Variants in SPR observed in about 807,000 individuals in gnomAD.
SPR encodes the protein Sepiapterin reductase (L-erythro-7,8-dihydrobiopterin forming).
A neutral mutation model predicts 16.0 loss-of-function variants in SPR; 12 were observed. That is an observed-to-expected ratio of 0.75 (90% CI 0.48 to 1.22). The LOEUF (loss-of-function observed/expected upper bound fraction) is 1.22. SPR is among the 50% of genes most tolerant of loss of function. The pLI, the probability that SPR is intolerant of heterozygous loss-of-function variation, is 0.00. For missense variants in SPR, 324 were observed against 344.4 expected, an observed-to-expected ratio of 0.94 and a Z score of 0.47; for synonymous variants, 177 against 168.5, an observed-to-expected ratio of 1.05 and a Z score of -0.39.
chr2:72,889,912 T>C (rs1301936235), intron 2 of SPR, among the ~76,000 whole-genome samples: 2 of 152,150 alleles, frequency 1.3e-5, no homozygotes, highest in African/African-American at 4.8e-5. Flanking sequence ...GCACAGGTCA[T>C]TGGAAAATAG....
intron 2 of SPR, among the ~76,000 whole-genome samples, chr2:72,891,094 C>G (rs568258895): frequency 6.6e-6 from 1 of 152,220 alleles, no homozygotes; most frequent in African/African-American, 2.4e-5. Context: ...GCTGGTTGGA[C>G]AGGAGATGAG....
At chr2:72,888,634 TCCAGAAC>T in intron 2 of SPR, 30 bp downstream of exon 2, 1 of 1,570,356 alleles carries the variant, frequency 6.4e-7, no homozygotes, top group Non-Finnish European at 8.6e-7. Context: ...GTCCCTGTCC[TCCAGAAC>T]CCACTGGTGC....
At chr2:72,891,237 T>C (rs1165760754) in intron 2 of SPR, 110 bp from the exon 3 acceptor site, 1 of 1,151,298 alleles carries the variant, frequency 8.7e-7, no homozygotes, top group Non-Finnish European at 1.3e-6. Flanking sequence ...GATGACGTGT[T>C]TCCTCTGGCC....
intron 2 of SPR, among the ~76,000 whole-genome samples, chr2:72,890,498 C>T (rs1670601439): frequency 6.6e-6 from 1 of 152,214 alleles, no homozygotes; most frequent in Non-Finnish European, 1.5e-5. Flanking sequence ...CCCGCCACCA[C>T]ACCCGGCTAA....
At chr2:72,887,856 G>A in intron 1 of SPR, 120 bp downstream of exon 1, 1 of 1,132,864 alleles carries the variant, frequency 8.8e-7, no homozygotes, top group Non-Finnish European at 1.2e-6. Flanking sequence ...AGCCCTAGTT[G>A]TTCCAGCTTG....
In SPR at chr2:72,888,461, C is replaced by T; in HGVS notation, c.452C>T (p.Thr151Ile). ...AFPDSPGLNR[T>I]VVNISSLCAL... The stretch of plus-strand genomic sequence containing the variant: ...CCGGACAGTCCTGGCCTCAACAGAA[C>T]CGTGGTTAACATCTCGTCCCTCTGT... The change falls in exon 2 of 3, where the codon ACC becomes ATC. Residue 151 changes from threonine to isoleucine, a missense_variant. By Grantham distance (89) the Thr-to-Ile change is moderately conservative. Coordinates refer to ENST00000234454, the MANE Select transcript of SPR (RefSeq NM_003124.5). The T allele has an allele frequency of 6.2e-7, 1 of 1,614,020 alleles. No individual in the cohort carries two copies. Among genetic ancestry groups the T allele is most frequent in the Non-Finnish European group, 8.5e-7 (1 of 1,179,968 alleles).
chr2:72,891,415 C>G lies in SPR; in HGVS notation c.664C>G (p.Leu222Val). ...TSVDPDMRKG[L>V]QELKAKGKLV... is the part of the protein sequence containing the mutation. ...CGTGGACCCAGACATGCGAAAAGGGCTGCAGGAGCTGAAGGCAAAGGGGAA... is the reference window on the plus strand; with the variant it reads ...CGTGGACCCAGACATGCGAAAAGGGGTGCAGGAGCTGAAGGCAAAGGGGAA... Residue 222 changes from leucine to valine, a missense_variant, in exon 3 of 3, where the codon CTG (leucine) becomes GTG (valine). Physicochemically the swap from Leu to Val is conservative, Grantham distance 32. Transcript: ENST00000234454. 2 of 1,614,196 alleles carry G rather than the reference C, an allele frequency of 1.2e-6. No individual in the cohort carries two copies. Among genetic ancestry groups the G allele is most frequent in the African/African-American group, 2.7e-5 (2 of 75,038 alleles).
rs540661789 is a variant in SPR, at chr2:72,888,480, C to G, written c.471C>G (p.Ser157=). Residue 157 remains serine, a synonymous_variant, in exon 2 of 3, where the codon TCC becomes TCG. Transcript: ENST00000234454. ...GLNRTVVNIS[S]LCALQPFKGW... ...ACAGAACCGTGGTTAACATCTCGTC[C>G]CTCTGTGCCCTGCAACCTTTCAAAG... The G allele has an allele frequency of 1.2e-6, 2 of 1,613,794 alleles. No individual in the cohort carries two copies. The highest frequency in any genetic ancestry group is 1.7e-6 in the Non-Finnish European group (2 of 1,179,916).
At position 72,887,780 on chromosome 2, in the gene SPR, C is replaced by A. The variant is rs759699526; in HGVS notation, c.304+44C>A. On this transcript the variant is annotated intron_variant, in intron 1 of 2. Transcript: ENST00000234454. Reference sequence around the variant, plus strand: ...AGCGGACTCCCCATGTGAGCGCCCACTTCCTCCACCGCTGGGGAATTTAAG... The same window carrying A: ...AGCGGACTCCCCATGTGAGCGCCCAATTCCTCCACCGCTGGGGAATTTAAG... The A allele has an allele frequency of 2.1e-6, 3 of 1,455,752 alleles. No homozygotes were observed. In the African/African-American group the frequency reaches 4.4e-5, roughly 21 times the overall value. The allele number at this position is 1,455,752 out of a possible 1,614,324, so 90.2% of individuals were successfully genotyped here.
At chr2:72,888,044 A>G (rs570812325) in intron 1 of SPR, among the ~76,000 whole-genome samples, 6 of 152,028 alleles carry the variant, frequency 3.9e-5, no homozygotes, top group East Asian at 3.9e-4. Flanking sequence ...TCTCCAAACA[A>G]GTAAACTCTC....
At chr2:72,889,193 C>T (rs1670586266) in intron 2 of SPR, among the ~76,000 whole-genome samples, 1 of 152,208 alleles carries the variant, frequency 6.6e-6, no homozygotes, top group Non-Finnish European at 1.5e-5. Flanking sequence ...CCATCCCTGG[C>T]TGAACTGTGC....
Position 72,887,409 on chromosome 2 carries a change from G to T in SPR, c.-24G>T. On this transcript the variant is annotated 5_prime_UTR_variant, in exon 1 of 3. Coordinates refer to ENST00000234454, the MANE Select transcript of SPR (RefSeq NM_003124.5). ...GCCTCCTGCCTGGTCTCGGGTGCCA[G>T]CGCCGCCGGCGGAGAACAGGAGCAT... The T allele has an allele frequency of 6.9e-7, 1 of 1,459,530 alleles. No individual in the cohort carries two copies. 90.4% of individuals were successfully genotyped at this position (1,459,530 alleles called of 1,614,324 possible). A position where few individuals can be genotyped will look rare whatever the true frequency, so the allele number is the denominator to read the frequency against.
At position 72,891,406 on chromosome 2, in the gene SPR, C is replaced by T. The variant is rs779204655; in HGVS notation, c.655C>T (p.Arg219Ter). Reference sequence around the variant, plus strand: ...GGAGACCTCCGTGGACCCAGACATGCGAAAAGGGCTGCAGGAGCTGAAGGC... The same window carrying T: ...GGAGACCTCCGTGGACCCAGACATGTGAAAAGGGCTGCAGGAGCTGAAGGC... ...ARETSVDPDM[R>*]KGLQELKAKG... is the part of the protein sequence containing the mutation. The change falls in exon 3 of 3, where the codon CGA becomes TGA. Residue 219 changes from arginine (R) to a stop codon, truncating the protein, a stop_gained. Coordinates refer to ENST00000234454, the MANE Select transcript of SPR (RefSeq NM_003124.5). LOFTEE classifies it high-confidence loss of function. 18 of 1,614,114 alleles carry T rather than the reference C, an allele frequency of 1.1e-5. No homozygotes were observed. The Middle Eastern group carries it at 4.9e-4, about 44-fold the overall frequency.
intron 1 of SPR, 115 bp from the exon 2 acceptor site, chr2:72,888,199 G>A (rs901878805): frequency 1.8e-5 from 20 of 1,085,506 alleles, no homozygotes; most frequent in Non-Finnish European, 2.8e-5. Flanking sequence ...AGAAGCGCTA[G>A]GCAGCTTCCT....
Position 72,891,549 on chromosome 2 carries a change from T to C in SPR, c.*12T>C, listed in dbSNP as rs1203563517. Reference sequence around the variant, plus strand: ...TCTATGACAAATAAGCCCATGTTTTTGGCTTCCTGAACCTTTTTGCCCCCA... The same window carrying C: ...TCTATGACAAATAAGCCCATGTTTTCGGCTTCCTGAACCTTTTTGCCCCCA... On this transcript the variant is annotated 3_prime_UTR_variant, in exon 3 of 3. Transcript: ENST00000234454. 3.7e-6 allele frequency: 6 copies of C among 1,614,094 alleles called. No homozygotes were observed. The highest frequency in any genetic ancestry group is 5.1e-6 in the Non-Finnish European group (6 of 1,180,052).
chr2:72,891,502 A>G lies in SPR; in HGVS notation c.751A>G (p.Lys251Glu). Residue 251 changes from lysine to glutamate, a missense_variant, in exon 3 of 3, where the codon AAG becomes GAG. Physicochemically the swap from Lys to Glu is moderately conservative, Grantham distance 56 (BLOSUM62 1). Transcript: ENST00000234454. ...LLSLLEKDEF[K>E]SGAHVDFYDK ...GAGCTTACTGGAAAAGGACGAGTTC[A>G]AGTCTGGAGCCCACGTGGACTTCTA... The G allele has an allele frequency of 6.2e-7, 1 of 1,614,230 alleles. No individual in the cohort carries two copies. Among genetic ancestry groups the G allele is most frequent in the Admixed American group, 1.7e-5 (1 of 60,022 alleles).
intron 2 of SPR, among the ~76,000 whole-genome samples, 180 bp downstream of exon 2, chr2:72,888,784 G>T (rs1441856516): frequency 6.6e-6 from 1 of 152,230 alleles, no homozygotes; most frequent in Non-Finnish European, 1.5e-5. Flanking sequence ...GGCAGGGGCC[G>T]GGGATACTGG....
At chr2:72,891,247 C>T in intron 2 of SPR, 100 bp from the exon 3 acceptor site, 2 of 1,288,168 alleles carry the variant, frequency 1.6e-6, no homozygotes, top group Non-Finnish European at 2.2e-6. Flanking sequence ...TTCCTCTGGC[C>T]AGACCTGACT....
rs371904378 is a variant in SPR, at chr2:72,891,457, G to T, written c.706G>T (p.Val236Leu). 11 of 1,614,254 alleles carry T rather than the reference G, an allele frequency of 6.8e-6. No individual in the cohort carries two copies. The highest frequency in any genetic ancestry group is 7.6e-6 in the Non-Finnish European group (9 of 1,180,046). ...KAKGKLVDCK[V>L]SAQKLLSLLE... is the part of the protein sequence containing the mutation. ...AAAGGGGAAGCTGGTGGATTGCAAGGTGTCAGCCCAGAAACTGCTGAGCTT... is the reference window on the plus strand; with the variant it reads ...AAAGGGGAAGCTGGTGGATTGCAAGTTGTCAGCCCAGAAACTGCTGAGCTT... The change falls in exon 3 of 3, where the codon GTG (valine) becomes TTG (leucine). Residue 236 changes from valine (V) to leucine (L), a missense_variant. Coordinates refer to ENST00000234454, the MANE Select transcript of SPR (RefSeq NM_003124.5).
Sources: gnomAD v4.1 joint callset for allele counts (sites outside exome capture counted in the v4.1 genomes callset) on GRCh38, gnomAD v4.1.1 for gene constraint, MANE v1.5 for transcripts, NCBI Gene and HGNC (gene_info 2026-07-23, HGNC 2026-07-21) for gene names.